The following ARID3A variants were observed in gnomAD, a reference collection of about 807,000 sequenced individuals.
The protein encoded by ARID3A is AT-rich interaction domain 3A.
A neutral mutation model predicts 52.7 loss-of-function variants in ARID3A; 11 were observed. That is an observed-to-expected ratio of 0.21 (90% CI 0.13 to 0.35). The LOEUF is 0.35. Ranked by LOEUF, ARID3A falls within the 10% of genes least tolerant of loss-of-function variation. The pLI, the probability that ARID3A is intolerant of heterozygous loss-of-function variation, is 1.00. For missense variants in ARID3A, 721 were observed against 838.5 expected (o/e 0.86, Z 1.73); for synonymous variants, 404 against 359.4 (o/e 1.12, Z -1.40).
At position 947,804 on chromosome 19, in the gene ARID3A, G is replaced by A. The variant is rs138374819; in HGVS notation, c.694-12288G>A. 6.6e-5 allele frequency among the ~76,000 whole-genome samples: 10 copies of A among 152,368 alleles called. No individual in the cohort carries two copies. The East Asian group carries it at 1.7e-3, about 26-fold the overall frequency. Reference sequence around the variant, plus strand: ...AGAGAGGGGACTCGGGGCCCATCAGGGCCGGGGGAGTGGAGCCGGCAGATG... The same window carrying A: ...AGAGAGGGGACTCGGGGCCCATCAGAGCCGGGGGAGTGGAGCCGGCAGATG... On this transcript the variant is annotated intron_variant, in intron 3 of 8. Coordinates refer to ENST00000263620, the MANE Select transcript of ARID3A (RefSeq NM_005224.3). This position sits in a 1 kb window ranked among gnomAD's most constrained non-coding sequence, Gnocchi z 6.3.
At chr19:933,512 C>T (rs1281240904) in intron 3 of ARID3A, among the ~76,000 whole-genome samples, 2 of 152,180 alleles carry the variant, frequency 1.3e-5, no homozygotes, top group African/African-American at 2.4e-5. Flanking sequence ...CTGGGGGGAG[C>T]CACCTCCTCG....
At position 942,483 on chromosome 19, in the gene ARID3A, C is replaced by T. The variant is rs560058040; in HGVS notation, c.693+9741C>T. Among the ~76,000 whole-genome samples, 8 of 152,362 alleles carry T rather than the reference C, an allele frequency of 5.3e-5. No individual in the cohort carries two copies. Among genetic ancestry groups the T allele is most frequent in the Non-Finnish European group, 1.2e-4 (8 of 68,032 alleles). On this transcript the variant is annotated intron_variant, in intron 3 of 8. Transcript: ENST00000263620. The surrounding 1 kb of genome is among the most constrained non-coding windows in gnomAD (Gnocchi z 8.1). ...GCGGGTGCGGACCGCCTCTTCTCCG[C>T]TCTGCCGGCTGCACATGGCCAGAGG...
rs1352337394 is a variant in ARID3A, at chr19:926,457, CT to C, written c.-268+399del. 4.9e-3 allele frequency among the ~76,000 whole-genome samples: 739 copies of C among 150,380 alleles called. 6 individuals are homozygous for C. The highest frequency in any genetic ancestry group is 0.017 in the African/African-American group (699 of 40,796). On this transcript the variant is annotated intron_variant, in intron 1 of 8. Coordinates refer to ENST00000263620, the MANE Select transcript of ARID3A (RefSeq NM_005224.3). ...GGGGGTCGCGAGTGCGCGCCCCCCCCTCCCCAGCGGAAGGAAATGGTCTCTG... is the reference window on the plus strand; with the variant it reads ...GGGGGTCGCGAGTGCGCGCCCCCCCCCCCCAGCGGAAGGAAATGGTCTCTG...
At chr19:962,653 T>C (rs1282198549) in intron 4 of ARID3A, among the ~76,000 whole-genome samples, 1 of 151,672 alleles carries the variant, frequency 6.6e-6, no homozygotes, top group Non-Finnish European at 1.5e-5. Context: ...TAGCTGGGAT[T>C]ACAGGCGCCC....
rs547234242 is a variant in ARID3A at position 965,452 on chromosome 19, C to G, written c.1198+372C>G. 5.3e-5 allele frequency among the ~76,000 whole-genome samples: 8 copies of G among 151,858 alleles called. No individual in the cohort carries two copies. In the South Asian group the frequency reaches 6.2e-4, roughly 12 times the overall value. ...CCATAACACAGAGGTACCAACAGCA[C>G]ACACAGCAGTGTCACCTCAGTTTGC... On this transcript the variant is annotated intron_variant, in intron 6 of 8. Transcript: ENST00000263620.
At position 959,755 on chromosome 19, in the gene ARID3A, C is replaced by T. The variant is rs997050028; in HGVS notation, c.694-337C>T. Reference sequence around the variant, plus strand: ...GGAGACGGTCTTGTGGAGACGGAGGCAGAGACTGGAGCGCTGCGGCCACAA... The same window carrying T: ...GGAGACGGTCTTGTGGAGACGGAGGTAGAGACTGGAGCGCTGCGGCCACAA... On this transcript the variant is annotated intron_variant, in intron 3 of 8. Coordinates refer to ENST00000263620, the MANE Select transcript of ARID3A (RefSeq NM_005224.3). The surrounding 1 kb of genome is among the most constrained non-coding windows in gnomAD (Gnocchi z 5.0). Among the ~76,000 whole-genome samples the T allele has an allele frequency of 3.3e-5, 5 of 152,096 alleles. No individual in the cohort carries two copies. Among genetic ancestry groups the T allele is most frequent in the Non-Finnish European group, 5.9e-5 (4 of 68,004 alleles).
At position 944,212 on chromosome 19, in the gene ARID3A, C is replaced by T. The variant is rs1390659231; in HGVS notation, c.693+11470C>T. ...CCGTGCATGAAGCAGAAGCTCCTGC[C>T]GCCGGCACTGGAGTCCTGACGTCGG... On this transcript the variant is annotated intron_variant, in intron 3 of 8. Coordinates refer to ENST00000263620, the MANE Select transcript of ARID3A (RefSeq NM_005224.3). This position sits in a 1 kb window ranked among gnomAD's most constrained non-coding sequence, Gnocchi z 5.9. Among the ~76,000 whole-genome samples the T allele has an allele frequency of 1.3e-5, 2 of 152,224 alleles. No individual in the cohort carries two copies. The highest frequency in any genetic ancestry group is 2.9e-5 in the Non-Finnish European group (2 of 68,042).
chr19:972,546 C>T lies in ARID3A; in HGVS notation c.*481C>T, dbSNP rs1406371730. ...TCTTTTATTTTCTATTCACCACACACTCACCACTCCCAGCTTCTCGTGTCC... is the reference window on the plus strand; with the variant it reads ...TCTTTTATTTTCTATTCACCACACATTCACCACTCCCAGCTTCTCGTGTCC... On this transcript the variant is annotated 3_prime_UTR_variant, in exon 9 of 9. Transcript: ENST00000263620. The T allele has an allele frequency of 9.2e-6, 2 of 217,998 alleles. No individual in the cohort carries two copies. Among genetic ancestry groups the T allele is most frequent in the African/African-American group, 4.5e-5 (2 of 44,316 alleles). The allele number at this position is 217,998 out of a possible 1,614,324, so 13.5% of individuals were successfully genotyped here.
intron 8 of ARID3A, among the ~76,000 whole-genome samples, chr19:970,703 G>A (rs2038260683): frequency 1.3e-5 from 2 of 151,824 alleles, no homozygotes; most frequent in Admixed American, 6.6e-5. Flanking sequence ...TCGAACTCCT[G>A]ACTTCGTGAT....
In ARID3A at chr19:932,660, A is replaced by C. The variant is rs1599383596; in HGVS notation, c.611A>C (p.His204Pro). 1.3e-6 allele frequency: 2 copies of C among 1,543,856 alleles called. No homozygotes were observed. The highest frequency in any genetic ancestry group is 1.7e-6 in the Non-Finnish European group (2 of 1,145,466). Reference protein sequence around the residue: ...GQERPGPGPAHPGGAAHVAPQ... With the variant: ...GQERPGPGPAPPGGAAHVAPQ... ...GAGCGGCCGGGGCCTGGCCCTGCCC[A>C]CCCCGGAGGGGCCGCCCACGTAGCC... The change falls in exon 3 of 9, where the codon CAC becomes CCC. Residue 204 changes from histidine (H) to proline (P), a missense_variant. His to Pro is a moderately conservative substitution (Grantham distance 77). Around this residue, in one of 5 missense-constraint regions of ARID3A, gnomAD observed 349 missense variants for 297.3 expected, o/e 1.17. Transcript: ENST00000263620.
chr19:929,614 C>T lies in ARID3A; in HGVS notation c.86C>T (p.Pro29Leu), dbSNP rs761318578. 2.5e-5 allele frequency: 38 copies of T among 1,524,960 alleles called. No homozygotes were observed. The highest frequency in any genetic ancestry group is 2.8e-5 in the Non-Finnish European group (32 of 1,142,648). The allele number at this position is 1,524,960 out of a possible 1,614,324, so 94.5% of individuals were successfully genotyped here. A position where few individuals can be genotyped will look rare whatever the true frequency, so the allele number is the denominator to read the frequency against. Residue 29 changes from proline (P) to leucine (L), a missense_variant, in exon 2 of 9, where the codon CCC (proline) becomes CTC (leucine). Physicochemically the swap from Pro to Leu is moderately conservative, Grantham distance 98. Transcript: ENST00000263620. The surrounding 1 kb of genome is among the most constrained non-coding windows in gnomAD (Gnocchi z 6.2). ...QELEARQQLP[P>L]DPPAAPPGRA... ...CTGGAGGCCCGGCAGCAGCTGCCCC[C>T]CGATCCCCCTGCTGCACCCCCCGGC...
intron 3 of ARID3A, among the ~76,000 whole-genome samples, chr19:946,796 T>TGTGTG (rs1568363191): frequency 6.7e-6 from 1 of 150,028 alleles, no homozygotes; most frequent in African/African-American, 2.4e-5. Context: ...GTTTGTTTGT[T>TGTGTG]TGTGTGTGTG....
chr19:926,259 T>C (rs1484624210), intron 1 of ARID3A, among the ~76,000 whole-genome samples, 200 bp downstream of exon 1: 1 of 142,232 alleles, frequency 7.0e-6, no homozygotes, highest in Admixed American at 7.0e-5. Flanking sequence ...GTGGGCGCAG[T>C]GCGTCCTGGA....
intron 1 of ARID3A, among the ~76,000 whole-genome samples, chr19:927,988 G>A (rs936156556): frequency 2.0e-5 from 3 of 152,120 alleles, no homozygotes; most frequent in African/African-American, 4.8e-5. Context: ...TCTCTTGTCC[G>A]GTGACTGGGG....
intron 1 of ARID3A, chr19:928,844 G>A (rs982744687): frequency 3.9e-5 from 6 of 152,180 alleles, no homozygotes; most frequent in Non-Finnish European, 7.3e-5. Context: ...TCTCCAGTCT[G>A]GCCTGAGATG....
At chr19:935,251 G>C (rs747696111) in intron 3 of ARID3A, among the ~76,000 whole-genome samples, 21 of 152,352 alleles carry the variant, frequency 1.4e-4, no homozygotes, top group East Asian at 3.9e-4. Flanking sequence ...TGGGTGGCCA[G>C]GCCGCGGCGG....
At chr19:967,807 G>C (rs2038190939) in intron 7 of ARID3A, among the ~76,000 whole-genome samples, 1 of 152,226 alleles carries the variant, frequency 6.6e-6, no homozygotes, top group Non-Finnish European at 1.5e-5. Context: ...CACTTTGGGA[G>C]GCCGAGGCGG....
chr19:948,755 G>T (rs1168927409), intron 3 of ARID3A, among the ~76,000 whole-genome samples: 4 of 144,156 alleles, frequency 2.8e-5, no homozygotes, highest in East Asian at 2.1e-4. Flanking sequence ...TGTCGCCCAG[G>T]CTGGAGTGCA....
intron 1 of ARID3A, among the ~76,000 whole-genome samples, chr19:927,593 G>A (rs539798946): frequency 1.3e-5 from 2 of 150,878 alleles, no homozygotes; most frequent in Non-Finnish European, 3.0e-5. Flanking sequence ...GCTCTTCCGT[G>A]GGGGGGGCCT....
Sources: allele counts gnomAD v4.1 joint callset (sites outside exome capture counted in the v4.1 genomes callset), GRCh38; gene constraint gnomAD v4.1.1; regional missense constraint gnomAD v4.1.1; non-coding constraint Gnocchi (gnomAD v3.1); transcripts MANE v1.5; gene names NCBI Gene and HGNC (gene_info 2026-07-23, HGNC 2026-07-21).